Variants in AFG2A observed in about 807,000 individuals in gnomAD.
AFG2A encodes AAA ATPase AFG2A, also known as ATPase family gene 2 protein homolog A.
the AFG2A span, among the ~76,000 whole-genome samples, chr4:122,937,170 A>C: frequency 2.0e-5 from 3 of 152,034 alleles, no homozygotes; most frequent in African/African-American, 7.2e-5. Context: ...AAGCAAAATC[A>C]AAACAGTGGT....
At chr4:123,070,315 A>G in the AFG2A span, among the ~76,000 whole-genome samples, 1 of 151,984 alleles carries the variant, frequency 6.6e-6, no homozygotes, top group South Asian at 2.1e-4. Flanking sequence ...ATCTAGTGAC[A>G]TTTTCTTTGT....
At chr4:123,243,693 C>G in the AFG2A span, among the ~76,000 whole-genome samples, 22 of 151,912 alleles carry the variant, frequency 1.4e-4, no homozygotes, top group African/African-American at 4.8e-4. Context: ...TCATGTATAC[C>G]TATGTAATAA....
At chr4:123,132,597 C>CATATATAT in the AFG2A span, among the ~76,000 whole-genome samples, 42,137 of 139,772 alleles carry the variant, frequency 0.3, 7,726 homozygotes, top group East Asian at 0.41. Flanking sequence ...GATGTGTGTA[C>CATATATAT]ATATATATAT....
At chr4:123,187,435 T>C in the AFG2A span, among the ~76,000 whole-genome samples, 1 of 152,218 alleles carries the variant, frequency 6.6e-6, no homozygotes, top group African/African-American at 2.4e-5. Flanking sequence ...TGAATTCTAC[T>C]TTTAACCAGG....
chr4:123,099,979 A>G, the AFG2A span, among the ~76,000 whole-genome samples: 6 of 151,890 alleles, frequency 4.0e-5, no homozygotes, highest in African/African-American at 1.4e-4. Flanking sequence ...GATGTTGTCA[A>G]CGTGAATTGA....
the AFG2A span, among the ~76,000 whole-genome samples, chr4:123,102,798 CTGTGTG>C: frequency 9.3e-4 from 132 of 141,228 alleles, no homozygotes; most frequent in African/African-American, 2.2e-3. Context: ...TCCTGGCATT[CTGTGTG>C]TGTGTGTGTG....
chr4:122,961,632 G>A, the AFG2A span, among the ~76,000 whole-genome samples: 2 of 152,166 alleles, frequency 1.3e-5, no homozygotes, highest in Admixed American at 6.5e-5. Flanking sequence ...AGACTCCTGA[G>A]TAGCTGGGAT....
chr4:123,050,958 CT>C, the AFG2A span, among the ~76,000 whole-genome samples: 2 of 152,018 alleles, frequency 1.3e-5, no homozygotes, highest in African/African-American at 4.8e-5. Context: ...TCAGGTTGGT[CT>C]CAAACTCCTG....
chr4:123,028,315 T>C, the AFG2A span: 3 of 1,614,048 alleles, frequency 1.9e-6, no homozygotes, highest in Non-Finnish European at 2.5e-6. Flanking sequence ...AGTTCTTCTC[T>C]ATGGGCCACC....
At chr4:123,180,130 G>A in the AFG2A span, among the ~76,000 whole-genome samples, 1 of 152,112 alleles carries the variant, frequency 6.6e-6, no homozygotes, top group Admixed American at 6.5e-5. Context: ...TGAGGCACGA[G>A]AATCGCTCGA....
chr4:123,131,514 C>A, the AFG2A span, among the ~76,000 whole-genome samples: 3,281 of 152,206 alleles, frequency 0.022, 66 homozygotes, highest in Non-Finnish European at 0.035. Flanking sequence ...CTCCTCCCCC[C>A]AGTCCCTTTC....
chr4:122,998,303 A>AT, the AFG2A span, among the ~76,000 whole-genome samples: 1 of 151,808 alleles, frequency 6.6e-6, no homozygotes, highest in African/African-American at 2.4e-5. Flanking sequence ...TCTTTGATTC[A>AT]TTTTTTTAAA....
At chr4:123,131,721 A>T in the AFG2A span, among the ~76,000 whole-genome samples, 19 of 152,174 alleles carry the variant, frequency 1.2e-4, no homozygotes, top group African/African-American at 4.3e-4. Context: ...TTATCCATTC[A>T]TCTGTAGATG....
the AFG2A span, among the ~76,000 whole-genome samples, chr4:123,256,520 G>A: frequency 1.3e-5 from 2 of 152,084 alleles, no homozygotes; most frequent in African/African-American, 2.4e-5. Context: ...CTAACTTTGC[G>A]TTCTTTACCC....
chr4:122,945,775 TC>T, the AFG2A span, among the ~76,000 whole-genome samples: 1 of 152,232 alleles, frequency 6.6e-6, no homozygotes, highest in Non-Finnish European at 1.5e-5. Context: ...CTGTTCCTGT[TC>T]GGCCATCTTG....
At chr4:123,023,586 A>G in the AFG2A span, among the ~76,000 whole-genome samples, 8 of 151,712 alleles carry the variant, frequency 5.3e-5, no homozygotes, top group African/African-American at 1.9e-4. Context: ...TGAGAGTTGC[A>G]CATTTTAATA....
At chr4:123,094,107 T>G in the AFG2A span, among the ~76,000 whole-genome samples, 1 of 152,206 alleles carries the variant, frequency 6.6e-6, no homozygotes, top group Non-Finnish European at 1.5e-5. Flanking sequence ...GTGGAGGTCC[T>G]TAACAATACC....
the AFG2A span, among the ~76,000 whole-genome samples, chr4:122,987,514 CCTTT>C: frequency 3.3e-5 from 5 of 150,830 alleles, no homozygotes; most frequent in African/African-American, 1.2e-4. Flanking sequence ...TTGCTGTCTT[CCTTT>C]GTGATGTGAT....
chr4:122,975,987 C>T, the AFG2A span, among the ~76,000 whole-genome samples: 1 of 152,150 alleles, frequency 6.6e-6, no homozygotes, highest in Non-Finnish European at 1.5e-5. Flanking sequence ...ACTCAACCCT[C>T]TGTTTTGTGG....
Sources: gnomAD v4.1 joint callset for allele counts (sites outside exome capture counted in the v4.1 genomes callset) on GRCh38, gnomAD v4.1.1 for gene constraint, MANE v1.5 for transcripts, NCBI Gene and HGNC (gene_info 2026-07-23, HGNC 2026-07-21) for gene names.